Variants in TRIM49 observed in about 807,000 individuals in gnomAD.
TRIM49 encodes the protein tripartite motif-containing protein 49.
In TRIM49, 5 loss-of-function variants were observed where a neutral mutation model predicts 27.4. The observed-to-expected ratio is 0.18, with a 90% CI of 0.10 to 0.38. The LOEUF (loss-of-function observed/expected upper bound fraction) is 0.38. Among genes scored for constraint, TRIM49 ranks in the 10% least tolerant of loss-of-function variants. The pLI is 1.00. For synonymous variants in TRIM49, 69 were observed against 166.0 expected, an observed-to-expected ratio of 0.42 and a Z score of 4.49; for missense variants, 188 against 487.5, an observed-to-expected ratio of 0.39 and a Z score of 5.79.
Position 89,797,984 on chromosome 11 carries a change from CAATA to C in TRIM49, c.*142_*145del. 1 of 429,252 alleles carries C rather than the reference CAATA, an allele frequency of 2.3e-6. No homozygotes were observed. The highest frequency in any genetic ancestry group is 3.6e-6 in the Non-Finnish European group (1 of 278,958). 26.6% of individuals were successfully genotyped at this position (429,252 alleles called of 1,614,324 possible). On this transcript the variant is annotated 3_prime_UTR_variant, in exon 8 of 8. Coordinates refer to ENST00000329758, the MANE Select transcript of TRIM49 (RefSeq NM_020358.2). ...GTTTTCAGCATATTTAATAGTAACA[CAATA>C]AATGAGTTTTGATAACATTAGAAGG...
intron 4 of TRIM49, among the ~76,000 whole-genome samples, chr11:89,802,567 A>G: frequency 6.7e-6 from 1 of 149,708 alleles, no homozygotes; most frequent in Non-Finnish European, 1.5e-5. Context: ...ATATATATGT[A>G]TACAAACACA....
At chr11:89,773,696 T>C in the TRIM49 span, among the ~76,000 whole-genome samples, 1 of 135,822 alleles carries the variant, frequency 7.4e-6, no homozygotes, top group South Asian at 2.3e-4. Context: ...CCCAGCACTT[T>C]GGGAGGCCGA....
downstream of TRIM49, among the ~76,000 whole-genome samples, chr11:89,797,046 T>C (rs968460666): frequency 5.3e-5 from 8 of 152,162 alleles, no homozygotes; most frequent in Admixed American, 4.6e-4. Context: ...ACACACAATA[T>C]TGTGTGTCTT....
chr11:89,768,225 TGG>T, the TRIM49 span: 1 of 1,466,864 alleles, frequency 6.8e-7, no homozygotes, highest in Non-Finnish European at 9.2e-7. Context: ...GGTCCTGTGA[TGG>T]GCCCTGTAGG....
the TRIM49 span, chr11:89,787,901 G>T: frequency 2.5e-3 from 1,027 of 404,980 alleles, 32 homozygotes; most frequent in Non-Finnish European, 3.5e-3. Context: ...GCTGGGCACC[G>T]TGGCAGCTCC....
downstream of TRIM49, among the ~76,000 whole-genome samples, chr11:89,797,318 A>G (rs539727): frequency 0.08 from 10,546 of 132,432 alleles, 58 homozygotes; most frequent in African/African-American, 0.18. Flanking sequence ...CTCCACTACT[A>G]GTTTGCATAA....
downstream of TRIM49, among the ~76,000 whole-genome samples, chr11:89,793,547 G>T (rs1949669332): frequency 6.6e-6 from 1 of 152,160 alleles, no homozygotes; most frequent in African/African-American, 2.4e-5. Context: ...GAGCAAGTGG[G>T]CTTCATCCCT....
the TRIM49 span, chr11:89,786,257 C>T: frequency 6.7e-6 from 1 of 148,318 alleles, no homozygotes; most frequent in East Asian, 2.0e-4. Flanking sequence ...GGGAGACTGA[C>T]CACAATGGCT....
At chr11:89,808,216 T>A (rs1473752344) in intron 1 of TRIM49, among the ~76,000 whole-genome samples, 1 of 116,130 alleles carries the variant, frequency 8.6e-6, no homozygotes, top group Non-Finnish European at 1.6e-5. Context: ...GAAAATTATT[T>A]TTTTTAAAAA....
downstream of TRIM49, among the ~76,000 whole-genome samples, chr11:89,793,509 G>C (rs1356265227): frequency 6.6e-6 from 1 of 152,172 alleles, no homozygotes; most frequent in Non-Finnish European, 1.5e-5. Context: ...ACAGAATCCA[G>C]CAGCACATCA....
At chr11:89,803,631 C>G in intron 4 of TRIM49, 67 bp downstream of exon 4, 1 of 723,666 alleles carries the variant, frequency 1.4e-6, no homozygotes, top group Non-Finnish European at 2.3e-6. Flanking sequence ...TATCAAGTTC[C>G]TATTTTAAGA....
the TRIM49 span, chr11:89,786,011 A>AT: frequency 7.5e-6 from 1 of 133,886 alleles, no homozygotes; most frequent in Non-Finnish European, 1.6e-5. Context: ...CGCCACCGCC[A>AT]TCCCCACTCC....
chr11:89,773,225 AAAT>A, the TRIM49 span, among the ~76,000 whole-genome samples: 1 of 132,820 alleles, frequency 7.5e-6, no homozygotes, highest in African/African-American at 3.4e-5. Flanking sequence ...ATTATTGTGT[AAAT>A]AATTATTATA....
chr11:89,792,095 T>G, the TRIM49 span, among the ~76,000 whole-genome samples: 2 of 151,898 alleles, frequency 1.3e-5, no homozygotes, highest in South Asian at 4.2e-4. Flanking sequence ...GTTGCAATCC[T>G]AGTCTCTGAT....
At chr11:89,807,572 G>A (rs1357617029) in intron 1 of TRIM49, among the ~76,000 whole-genome samples, 3 of 150,434 alleles carry the variant, frequency 2.0e-5, no homozygotes, top group South Asian at 4.2e-4. Context: ...TCTAGAGAAA[G>A]GGTCTCCTTC....
chr11:89,796,123 C>G (rs1278320108), downstream of TRIM49, among the ~76,000 whole-genome samples: 3 of 151,890 alleles, frequency 2.0e-5, no homozygotes, highest in Non-Finnish European at 2.9e-5. Flanking sequence ...TTTGTCTGGT[C>G]TAAGCAAACA....
the TRIM49 span, chr11:89,787,154 T>C: frequency 1.5e-5 from 3 of 202,208 alleles, no homozygotes; most frequent in South Asian, 2.0e-4. Context: ...GCCCGAGGGC[T>C]CCAAAAACTG....
chr11:89,806,083 A>G (rs993406120), intron 2 of TRIM49, among the ~76,000 whole-genome samples: 9 of 149,852 alleles, frequency 6.0e-5, no homozygotes, highest in Non-Finnish European at 1.2e-4. Context: ...ATAGCCTACT[A>G]CACCTATGGT....
chr11:89,775,611 T>G, the TRIM49 span, among the ~76,000 whole-genome samples: 2 of 133,066 alleles, frequency 1.5e-5, no homozygotes, highest in African/African-American at 6.9e-5. Context: ...TAATTAACAG[T>G]TGATTAATTC....
Sources: gnomAD v4.1 joint callset for allele counts (sites outside exome capture counted in the v4.1 genomes callset) on GRCh38, gnomAD v4.1.1 for gene constraint, MANE v1.5 for transcripts, NCBI Gene and HGNC (gene_info 2026-07-23, HGNC 2026-07-21) for gene names.